EBF3: variants seen among roughly 807,000 people sequenced by gnomAD.
EBF3 encodes transcription factor COE3.
A neutral mutation model predicts 77.1 loss-of-function variants in EBF3; 18 were observed. The observed-to-expected ratio is 0.23, with a 90% CI of 0.16 to 0.35. The LOEUF is 0.35. EBF3 is among the 10% of genes least tolerant of loss of function. EBF3 has a pLI of 1.00. For missense variants in EBF3, 558 were observed against 860.0 expected (o/e 0.65, Z 4.39); for synonymous variants, 350 against 343.5 (o/e 1.02, Z -0.21).
chr10:129,866,571 G>A (rs950288343), intron 10 of EBF3, among the ~76,000 whole-genome samples: 9 of 152,188 alleles, frequency 5.9e-5, no homozygotes, highest in South Asian at 4.1e-4. Flanking sequence ...AGTCTGTCCC[G>A]CACCCTCAAA....
At chr10:129,847,238 T>C (rs1850535365) in intron 11 of EBF3, among the ~76,000 whole-genome samples, 1 of 151,826 alleles carries the variant, frequency 6.6e-6, no homozygotes, top group African/African-American at 2.4e-5. Context: ...TGCCAAGGCA[T>C]GTGGTCTGTC....
rs1490116339 is a variant in EBF3, at chr10:129,842,260, C to T, written c.1228G>A (p.Glu410Lys). 1.2e-6 allele frequency: 2 copies of T among 1,609,246 alleles called. No individual in the cohort carries two copies. The stretch of plus-strand genomic sequence containing the variant: ...TTGCGGGGAACGCTGTACAGCGCCT[C>T]GGCGATGTCCGCCGCTCGCTTCAAG... ...IILKRAADIA[E>K]ALYSVPRNHN... Residue 410 changes from glutamate to lysine, a missense_variant, in exon 13 of 17, where the codon GAG becomes AAG. Physicochemically the swap from Glu to Lys is moderately conservative, Grantham distance 56. Around this residue, in one of 5 missense-constraint regions of EBF3, gnomAD observed 284 missense variants for 368.3 expected, o/e 0.77. Transcript: ENST00000440978. The surrounding 1 kb of genome is among the most constrained non-coding windows in gnomAD (Gnocchi z 4.4).
chr10:129,962,697 A>G (rs1318933320), intron 3 of EBF3, among the ~76,000 whole-genome samples: 2 of 152,152 alleles, frequency 1.3e-5, no homozygotes, highest in African/African-American at 4.8e-5. Context: ...AAAGTCACTT[A>G]AAAGTGATGT....
Position 129,914,639 on chromosome 10 carries a change from C to T in EBF3, c.555-36790G>A, listed in dbSNP as rs549674233. Among the ~76,000 whole-genome samples the T allele has an allele frequency of 5.9e-5, 9 of 152,294 alleles. No individual in the cohort carries two copies. In the East Asian group the frequency reaches 9.7e-4, roughly 16 times the overall value. On this transcript the variant is annotated intron_variant, in intron 6 of 16. Coordinates refer to ENST00000440978, the MANE Select transcript of EBF3 (RefSeq NM_001375380.1). ...CCTGAGCCCTGGGCAGCAGGGGCCA[C>T]GGGCACAGAAGACCCACTGTGCGGC... is the stretch of plus-strand genomic sequence containing the variant.
intron 7 of EBF3, 71 bp from the exon 8 acceptor site, chr10:129,873,667 A>T (rs1852563138): frequency 7.1e-7 from 1 of 1,406,252 alleles, no homozygotes; most frequent in Non-Finnish European, 9.3e-7. Flanking sequence ...GGCAAAATAC[A>T]AGCCATCTTA....
rs546197917 is a variant in EBF3, at chr10:129,935,600, A to G, written c.554+21658T>C. ...CATGCACCCCACAAGGCTGGCGGGCAGCAGGCGGTGCCTCCTGATCAGGGC... is the reference window on the plus strand; with the variant it reads ...CATGCACCCCACAAGGCTGGCGGGCGGCAGGCGGTGCCTCCTGATCAGGGC... On this transcript the variant is annotated intron_variant, in intron 6 of 16. Coordinates refer to ENST00000440978, the MANE Select transcript of EBF3 (RefSeq NM_001375380.1). The surrounding 1 kb of genome is among the most constrained non-coding windows in gnomAD (Gnocchi z 4.2). 1.3e-3 allele frequency among the ~76,000 whole-genome samples: 201 copies of G among 152,326 alleles called. 1 individual carries two copies. The highest frequency in any genetic ancestry group is 4.4e-3 in the African/African-American group (184 of 41,582).
intron 6 of EBF3, among the ~76,000 whole-genome samples, chr10:129,939,550 C>T (rs1416026805): frequency 6.6e-6 from 1 of 152,148 alleles, no homozygotes; most frequent in African/African-American, 2.4e-5. Context: ...CTTTGTTTTG[C>T]CAAGCGTGGT....
Position 129,963,578 on chromosome 10 carries a change from G to GGGGGC in EBF3, c.134+52_134+56dup, listed in dbSNP as rs1859704009. ...GAGGAGCGCGGCGCCGGCCGGCGGA[G>GGGGGC]GGGGCCGGGCCGGGCCGGGGCCGGG... On this transcript the variant is annotated intron_variant, in intron 1 of 16. Transcript: ENST00000440978. The surrounding 1 kb of genome is among the most constrained non-coding windows in gnomAD (Gnocchi z 7.1). 1 of 1,262,526 alleles carries GGGGGC rather than the reference G, an allele frequency of 7.9e-7. No homozygotes were observed. The highest frequency in any genetic ancestry group is 1.0e-6 in the Non-Finnish European group (1 of 997,032). The allele number at this position is 1,262,526 out of a possible 1,614,324, so 78.2% of individuals were successfully genotyped here. A position where few individuals can be genotyped will look rare whatever the true frequency, so the allele number is the denominator to read the frequency against.
intron 5 of EBF3, among the ~76,000 whole-genome samples, chr10:129,958,311 C>T (rs1859194625): frequency 1.3e-5 from 2 of 152,192 alleles, no homozygotes; most frequent in South Asian, 4.1e-4. Flanking sequence ...CTATATTTCA[C>T]ATGCCACACA....
At chr10:129,917,308 G>T (rs1348631052) in intron 6 of EBF3, among the ~76,000 whole-genome samples, 1 of 152,182 alleles carries the variant, frequency 6.6e-6, no homozygotes, top group Admixed American at 6.5e-5. Context: ...CATCGCAGTT[G>T]CAGTGAGCCA....
intron 11 of EBF3, among the ~76,000 whole-genome samples, chr10:129,843,798 C>A (rs909129028): frequency 2.0e-5 from 3 of 152,172 alleles, no homozygotes; most frequent in Non-Finnish European, 4.4e-5. Flanking sequence ...AGAAATTTTT[C>A]AATTAACCTC....
Position 129,864,718 on chromosome 10 carries a change from C to T in EBF3, c.1039+2423G>A, listed in dbSNP as rs1191423608. On this transcript the variant is annotated intron_variant, in intron 10 of 16. Coordinates refer to ENST00000440978, the MANE Select transcript of EBF3 (RefSeq NM_001375380.1). The surrounding 1 kb of genome is among the most constrained non-coding windows in gnomAD (Gnocchi z 4.4). Reference sequence around the variant, plus strand: ...GTCACTTTCATGTCACAAACCAGGACCCCGCAGCAGACACAGGCACCTACA... The same window carrying T: ...GTCACTTTCATGTCACAAACCAGGATCCCGCAGCAGACACAGGCACCTACA... Among the ~76,000 whole-genome samples the T allele has an allele frequency of 6.6e-6, 1 of 152,196 alleles. No homozygotes were observed. The highest frequency in any genetic ancestry group is 2.1e-4 in the South Asian group (1 of 4,824).
intron 8 of EBF3, among the ~76,000 whole-genome samples, chr10:129,868,819 T>TA (rs1241438872): frequency 2.0e-5 from 3 of 152,356 alleles, no homozygotes; most frequent in African/African-American, 7.2e-5. Context: ...GCAGACCTTT[T>TA]AAACTGCCTT....
intron 6 of EBF3, among the ~76,000 whole-genome samples, chr10:129,924,370 A>G (rs1340835088): frequency 6.6e-6 from 1 of 151,810 alleles, no homozygotes; most frequent in Non-Finnish European, 1.5e-5. Context: ...AGCCAAGCTC[A>G]AGCCACTTCA....
At chr10:129,876,885 A>ACCTC (rs1852811725) in intron 7 of EBF3, among the ~76,000 whole-genome samples, 1 of 42,368 alleles carries the variant, frequency 2.4e-5, no homozygotes, top group Non-Finnish European at 4.4e-5. Context: ...TCATCCCTGA[A>ACCTC]CCCCCCCCCC....
chr10:129,889,684 T>C (rs1853871987), intron 6 of EBF3, among the ~76,000 whole-genome samples: 3 of 151,952 alleles, frequency 2.0e-5, no homozygotes, highest in Admixed American at 1.3e-4. Context: ...CACTCATAAT[T>C]TGGGCAGAAG....
Position 129,963,947 on chromosome 10 carries a change from C to A in EBF3, c.-179G>T. On this transcript the variant is annotated 5_prime_UTR_variant, in exon 1 of 17. Transcript: ENST00000440978. This position sits in a 1 kb window ranked among gnomAD's most constrained non-coding sequence, Gnocchi z 7.1. ...GGCGCGACATACACCAGCGGCCGGG[C>A]GCTCCGGACGGCCAGGGGCGCGGAG... 1 of 1,047,120 alleles carries A rather than the reference C, an allele frequency of 9.5e-7. No homozygotes were observed. The highest frequency in any genetic ancestry group is 1.7e-5 in the African/African-American group (1 of 58,622). 64.9% of individuals were successfully genotyped at this position (1,047,120 alleles called of 1,614,324 possible). A position where few individuals can be genotyped will look rare whatever the true frequency, so the allele number is the denominator to read the frequency against.
intron 6 of EBF3, among the ~76,000 whole-genome samples, chr10:129,892,219 C>A (rs1203595760): frequency 6.6e-6 from 1 of 152,244 alleles, no homozygotes; most frequent in Non-Finnish European, 1.5e-5. Flanking sequence ...CTTTGGAGCC[C>A]TTATGAAACT....
intron 6 of EBF3, among the ~76,000 whole-genome samples, chr10:129,908,452 G>A (rs1488115099): frequency 2.6e-5 from 4 of 152,186 alleles, no homozygotes; most frequent in Non-Finnish European, 5.9e-5. Flanking sequence ...TACATGGGCC[G>A]TCCTGGGCAA....
Sources: allele counts gnomAD v4.1 joint callset (sites outside exome capture counted in the v4.1 genomes callset), GRCh38; gene constraint gnomAD v4.1.1; regional missense constraint gnomAD v4.1.1; non-coding constraint Gnocchi (gnomAD v3.1); transcripts MANE v1.5; gene names NCBI Gene and HGNC (gene_info 2026-07-23, HGNC 2026-07-21).